Variants in SPIDR observed in about 807,000 individuals in gnomAD.
SPIDR encodes scaffold protein involved in DNA repair.
SPIDR carries 93 observed loss-of-function variants against 104.6 expected under a neutral mutation model. That is an observed-to-expected ratio of 0.89 (90% CI 0.75 to 1.06). SPIDR has a LOEUF of 1.06. SPIDR is among the 50% of genes least tolerant of loss of function. The pLI, the probability that SPIDR is intolerant of heterozygous loss-of-function variation, is 0.00. For synonymous variants in SPIDR, 431 were observed against 416.9 expected, an observed-to-expected ratio of 1.03 and a Z score of -0.41; for missense variants, 1,154 against 1,111.2, an observed-to-expected ratio of 1.04 and a Z score of -0.55.
intron 15 of SPIDR, chr8:47,713,193 C>T: frequency 1.6e-6 from 1 of 643,926 alleles, no homozygotes; most frequent in Non-Finnish European, 2.5e-6. Flanking sequence ...GCCCCTTTTT[C>T]CAGGGATCAA....
intron 5 of SPIDR, among the ~76,000 whole-genome samples, chr8:47,369,410 C>T (rs1426040783): frequency 1.3e-5 from 2 of 152,186 alleles, no homozygotes; most frequent in Non-Finnish European, 2.9e-5. Flanking sequence ...GTAGTTTCTT[C>T]AATATTTTCT....
chr8:47,508,780 A>G (rs1375107970), intron 8 of SPIDR, among the ~76,000 whole-genome samples: 2 of 152,100 alleles, frequency 1.3e-5, no homozygotes, highest in African/African-American at 2.4e-5. Flanking sequence ...CCACCCCACC[A>G]TCAGGACACA....
At chr8:47,578,239 G>A (rs906011556) in intron 8 of SPIDR, among the ~76,000 whole-genome samples, 7 of 152,264 alleles carry the variant, frequency 4.6e-5, no homozygotes, top group Admixed American at 2.0e-4. Flanking sequence ...TTGGGAGGCC[G>A]AGGCGGGCAG....
At chr8:47,511,486 G>C (rs2082313579) in intron 8 of SPIDR, 1 of 777,698 alleles carries the variant, frequency 1.3e-6, no homozygotes, top group Non-Finnish European at 2.4e-6. Context: ...CCACAGCTCT[G>C]CTGGCACCTC....
At chr8:47,715,970 T>C (rs531157504) in intron 16 of SPIDR, among the ~76,000 whole-genome samples, 274 of 149,236 alleles carry the variant, frequency 1.8e-3, no homozygotes, top group Middle Eastern at 0.017. Context: ...TTTTCTTTTT[T>C]TTTTTTTTTT....
intron 8 of SPIDR, among the ~76,000 whole-genome samples, chr8:47,583,642 T>G (rs1459286554): frequency 6.6e-6 from 1 of 152,202 alleles, no homozygotes; most frequent in Non-Finnish European, 1.5e-5. Flanking sequence ...ACTATAGATA[T>G]GAATGTTTAA....
At chr8:47,632,291 A>C (rs1259523253) in intron 10 of SPIDR, among the ~76,000 whole-genome samples, 2 of 152,160 alleles carry the variant, frequency 1.3e-5, no homozygotes, top group Admixed American at 1.3e-4. Context: ...GAAATTTGAG[A>C]GTTAACACAT....
intron 8 of SPIDR, among the ~76,000 whole-genome samples, chr8:47,557,659 A>G (rs979611331): frequency 6.6e-5 from 10 of 152,198 alleles, no homozygotes; most frequent in African/African-American, 2.2e-4. Context: ...AGACCACACT[A>G]TGGTTGGCTA....
At chr8:47,388,991 T>C (rs2060259017) in intron 5 of SPIDR, among the ~76,000 whole-genome samples, 1 of 152,214 alleles carries the variant, frequency 6.6e-6, no homozygotes. Flanking sequence ...AGTGTTGTTG[T>C]TTGTGATATT....
At chr8:47,294,086 G>C in intron 5 of SPIDR, 56 bp downstream of exon 5, 1 of 1,527,182 alleles carries the variant, frequency 6.5e-7, no homozygotes, top group South Asian at 1.3e-5. Context: ...GCTAATCATA[G>C]TTGTCATTTT....
intron 8 of SPIDR, among the ~76,000 whole-genome samples, chr8:47,502,701 T>C (rs943150831): frequency 2.0e-5 from 3 of 152,096 alleles, no homozygotes; most frequent in African/African-American, 2.4e-5. Flanking sequence ...TTTGCTCTTG[T>C]TTCTCTAGTT....
chr8:47,686,479 A>G (rs1240612503), intron 11 of SPIDR, among the ~76,000 whole-genome samples: 1 of 152,258 alleles, frequency 6.6e-6, no homozygotes, highest in Non-Finnish European at 1.5e-5. Context: ...AAGTGGAAAG[A>G]AAAGAAAGCT....
intron 11 of SPIDR, among the ~76,000 whole-genome samples, chr8:47,690,273 G>T (rs556100669): frequency 3.4e-5 from 5 of 148,128 alleles, no homozygotes; most frequent in Non-Finnish European, 7.5e-5. Flanking sequence ...GAGAGTGTGT[G>T]GGGGGGGTGA....
chr8:47,424,629 C>T (rs1263086010), intron 7 of SPIDR, among the ~76,000 whole-genome samples: 1 of 151,918 alleles, frequency 6.6e-6, no homozygotes, highest in Non-Finnish European at 1.5e-5. Flanking sequence ...CTTAGATGTT[C>T]TTAAATGCAA....
intron 5 of SPIDR, among the ~76,000 whole-genome samples, chr8:47,315,636 A>G (rs1360897335): frequency 2.0e-5 from 3 of 152,182 alleles, no homozygotes; most frequent in African/African-American, 7.2e-5. Context: ...TTATTTCAAG[A>G]TTTACTCTAA....
chr8:47,617,298 T>C (rs1020069309), intron 10 of SPIDR, among the ~76,000 whole-genome samples: 2 of 152,164 alleles, frequency 1.3e-5, no homozygotes, highest in African/African-American at 2.4e-5. Context: ...GTTACCTCCA[T>C]TGGTACCTAA....
intron 1 of SPIDR, among the ~76,000 whole-genome samples, chr8:47,278,410 C>A (rs1467186171): frequency 1.3e-5 from 2 of 151,512 alleles, no homozygotes; most frequent in Non-Finnish European, 2.9e-5. Flanking sequence ...GCCTTGACCT[C>A]CTGGGCTCAA....
chr8:47,331,965 C>CTTTTTTTTTTTTTTTTTTTTTTTTT (rs1183447584), intron 5 of SPIDR, among the ~76,000 whole-genome samples: 8 of 32,702 alleles, frequency 2.4e-4, no homozygotes, highest in Non-Finnish European at 4.0e-4. Flanking sequence ...TTTTTTTAAA[C>CTTTTTTTTTTTTTTTTTTTTTTTTT]TTTTTTTTTT....
chr8:47,517,730 T>A (rs150072181), intron 8 of SPIDR, among the ~76,000 whole-genome samples: 1 of 152,358 alleles, frequency 6.6e-6, no homozygotes, highest in African/African-American at 2.4e-5. Context: ...CTTGTAATCA[T>A]GAAATCAATG....
Sources: gnomAD v4.1 joint callset for allele counts (sites outside exome capture counted in the v4.1 genomes callset) on GRCh38, gnomAD v4.1.1 for gene constraint, MANE v1.5 for transcripts, NCBI Gene and HGNC (gene_info 2026-07-23, HGNC 2026-07-21) for gene names.